ATP9A: variants seen among roughly 807,000 people sequenced by gnomAD.
ATP9A encodes the protein probable phospholipid-transporting ATPase IIA.
ATP9A carries 52 observed loss-of-function variants against 144.1 expected under a neutral mutation model. The observed-to-expected ratio is 0.36, with a 90% CI of 0.29 to 0.45. The LOEUF is 0.45. Ranked by LOEUF, ATP9A falls within the 20% of genes least tolerant of loss-of-function variation. ATP9A has a pLI of 1.00. For synonymous variants in ATP9A, 582 were observed against 557.4 expected (o/e 1.04, Z -0.62); for missense variants, 947 against 1,392.7 (o/e 0.68, Z 5.09).
At chr20:51,690,237 C>G (rs184616192) in intron 8 of ATP9A, among the ~76,000 whole-genome samples, 96 of 151,140 alleles carry the variant, frequency 6.4e-4, no homozygotes, top group South Asian at 1.7e-3. Flanking sequence ...TGGCTAACAC[C>G]GTGAAAACCC....
intron 1 of ATP9A, among the ~76,000 whole-genome samples, chr20:51,736,469 G>A (rs1397556759): frequency 6.6e-6 from 1 of 151,570 alleles, no homozygotes; most frequent in South Asian, 2.1e-4. Context: ...GGAATGAAAT[G>A]TTCTCACATT....
chr20:51,638,121 A>ATCTATCTATC (rs1173540252), intron 15 of ATP9A, among the ~76,000 whole-genome samples: 6 of 103,028 alleles, frequency 5.8e-5, no homozygotes, highest in African/African-American at 2.5e-4. Context: ...ATATATATAT[A>ATCTATCTATC]TATCTCATAG....
rs142279354 is a variant in ATP9A, at chr20:51,613,728, G to A, written c.2520C>T (p.Ala840=). ...TGTGAATCACGAACTGGCTGAGGGC[G>A]GCTGACCGCTTGTAGCTGTTCCGGC... is the stretch of plus-strand genomic sequence containing the variant. ...VHGRNSYKRS[A]ALSQFVIHRS... The change falls in exon 23 of 28, where the codon GCC becomes GCT. Residue 840 remains alanine (A), a synonymous_variant. Transcript: ENST00000338821. The A allele has an allele frequency of 8.1e-6, 13 of 1,614,040 alleles. No homozygotes were observed. The highest frequency in any genetic ancestry group is 2.7e-5 in the African/African-American group (2 of 74,924).
At chr20:51,694,553 C>CT (rs2077562580) in intron 6 of ATP9A, among the ~76,000 whole-genome samples, 2 of 152,164 alleles carry the variant, frequency 1.3e-5, no homozygotes, top group South Asian at 4.1e-4. Flanking sequence ...TGAGAGTTGC[C>CT]TATCCTCTCT....
At chr20:51,606,144 T>C (rs2077162700) in intron 26 of ATP9A, among the ~76,000 whole-genome samples, 1 of 147,782 alleles carries the variant, frequency 6.8e-6, no homozygotes, top group Admixed American at 6.7e-5. Context: ...GTAATCCCAG[T>C]TATTCGGGAG....
At chr20:51,738,549 C>T (rs1412126937) in intron 1 of ATP9A, among the ~76,000 whole-genome samples, 1 of 151,100 alleles carries the variant, frequency 6.6e-6, no homozygotes, top group Admixed American at 6.6e-5. Context: ...ACTAAAAATA[C>T]AAAAGTTAGC....
intron 3 of ATP9A, 61 bp downstream of exon 3, chr20:51,725,758 C>T: frequency 8.1e-7 from 1 of 1,236,388 alleles, no homozygotes; most frequent in Non-Finnish European, 1.2e-6. Context: ...GTGAGAGAAA[C>T]AAAGAACTTT....
At chr20:51,610,412 C>A (rs577102416) in intron 23 of ATP9A, among the ~76,000 whole-genome samples, 1 of 152,152 alleles carries the variant, frequency 6.6e-6, no homozygotes, top group Admixed American at 6.5e-5. Context: ...CTTGCCCAAG[C>A]CCACACAGTT....
chr20:51,720,896 C>T (rs1328598527), intron 3 of ATP9A, among the ~76,000 whole-genome samples: 1 of 152,156 alleles, frequency 6.6e-6, no homozygotes, highest in Non-Finnish European at 1.5e-5. Context: ...AAGGCGCAGG[C>T]ACCACCTGGC....
At chr20:51,768,159 A>ACCTCCCCG (rs1006426248) in intron 1 of ATP9A, 143 bp downstream of exon 1, 13 of 381,884 alleles carry the variant, frequency 3.4e-5, no homozygotes, top group African/African-American at 2.0e-4. Context: ...CCCCCTCCCC[A>ACCTCCCCG]CCTCCCCGCC....
chr20:51,686,672 T>C (rs1225975156), intron 9 of ATP9A, among the ~76,000 whole-genome samples: 3 of 152,192 alleles, frequency 2.0e-5, no homozygotes, highest in Non-Finnish European at 4.4e-5. Context: ...CGGTGGCTCA[T>C]GCCTGTAACC....
In ATP9A at chr20:51,658,895, G is replaced by GGT. The variant is rs1555833854; in HGVS notation, c.1294-1746_1294-1745insAC. Among the ~76,000 whole-genome samples the GGT allele has an allele frequency of 7.7e-5, 9 of 117,600 alleles. 1 individual carries two copies. Among genetic ancestry groups the GGT allele is most frequent in the African/African-American group, 3.1e-4 (9 of 28,818 alleles). The allele number at this position is 117,600 out of a possible 152,430, so 77.2% of individuals were successfully genotyped here. ...GAAAATTAAGACCACTGGCGGGGGG[G>GGT]GGGGGGGGAAGGCTCATTGTTGAAC... is the stretch of plus-strand genomic sequence containing the variant. On this transcript the variant is annotated intron_variant, in intron 13 of 27. Coordinates refer to ENST00000338821, the MANE Select transcript of ATP9A (RefSeq NM_006045.3).
intron 10 of ATP9A, among the ~76,000 whole-genome samples, chr20:51,675,416 C>A (rs1279570365): frequency 6.6e-6 from 1 of 152,168 alleles, no homozygotes; most frequent in African/African-American, 2.4e-5. Context: ...TCACATGGGC[C>A]TGCCCCGTCC....
At chr20:51,645,851 G>T (rs1339785253) in intron 14 of ATP9A, among the ~76,000 whole-genome samples, 2 of 152,134 alleles carry the variant, frequency 1.3e-5, no homozygotes, top group African/African-American at 4.8e-5. Context: ...TAACATTCTG[G>T]CTTCTGTTCA....
chr20:51,697,444 C>T lies in ATP9A; in HGVS notation c.475G>A (p.Asp159Asn). 1 of 1,613,618 alleles carries T rather than the reference C, an allele frequency of 6.2e-7. No individual in the cohort carries two copies. Among genetic ancestry groups the T allele is most frequent in the Non-Finnish European group, 8.5e-7 (1 of 1,179,850 alleles). Residue 159 changes from aspartate (D) to asparagine (N), a missense_variant, in exon 5 of 28, where the codon GAC becomes AAC. Around this residue, in one of 2 missense-constraint regions of ATP9A, gnomAD observed 770 missense variants for 1,047.9 expected, o/e 0.73. Transcript: ENST00000338821. ...KVKSSNIQVG[D>N]LIIVEKNQRV... ...CTCACCTTTTCAACGATGATAAGGT[C>T]TCCAACTTGGATGTTAGAACTCTTC... is the stretch of plus-strand genomic sequence containing the variant.
intron 16 of ATP9A, among the ~76,000 whole-genome samples, 197 bp from the exon 17 acceptor site, chr20:51,627,880 C>T (rs1337402478): frequency 6.6e-6 from 1 of 152,152 alleles, no homozygotes; most frequent in Non-Finnish European, 1.5e-5. Context: ...AGCCGGTGAG[C>T]CAAACACAGC....
chr20:51,626,481 GCT>G (rs1248820229), intron 17 of ATP9A, among the ~76,000 whole-genome samples: 1 of 146,646 alleles, frequency 6.8e-6, no homozygotes, highest in Non-Finnish European at 1.5e-5. Context: ...CAAGAGTAAA[GCT>G]CTGTCACAAA....
chr20:51,745,426 C>CAA (rs11483249), intron 1 of ATP9A, among the ~76,000 whole-genome samples: 6,698 of 142,498 alleles, frequency 0.047, 302 homozygotes, highest in African/African-American at 0.12. Flanking sequence ...GATTCTGTCT[C>CAA]AAAAAAAAAA....
At chr20:51,646,799 T>A in intron 14 of ATP9A, among the ~76,000 whole-genome samples, 1 of 152,086 alleles carries the variant, frequency 6.6e-6, no homozygotes. Flanking sequence ...CTGCTAGGAA[T>A]CAGCGGAAGA....
Sources: allele counts gnomAD v4.1 joint callset (sites outside exome capture counted in the v4.1 genomes callset), GRCh38; gene constraint gnomAD v4.1.1; regional missense constraint gnomAD v4.1.1; transcripts MANE v1.5; gene names NCBI Gene and HGNC (gene_info 2026-07-23, HGNC 2026-07-21).